SMG1: variants seen among roughly 807,000 people sequenced by gnomAD.
The protein encoded by SMG1 is SMG1 nonsense mediated mRNA decay associated PI3K related kinase, also known as serine/threonine-protein kinase SMG1.
SMG1 carries 22 observed loss-of-function variants against 419.9 expected under a neutral mutation model. That is an observed-to-expected ratio of 0.05 (90% CI 0.04 to 0.07). The LOEUF is 0.07. SMG1 is among the 10% of genes least tolerant of loss of function. SMG1 has a pLI of 1.00. For synonymous variants in SMG1, 1,538 were observed against 1,553.5 expected (o/e 0.99, Z 0.23); for missense variants, 3,185 against 4,342.0 (o/e 0.73, Z 7.49).
At chr16:18,883,112 G>A (rs2036471091) in intron 9 of SMG1, among the ~76,000 whole-genome samples, 1 of 152,128 alleles carries the variant, frequency 6.6e-6, no homozygotes, top group East Asian at 1.9e-4. Flanking sequence ...CTGAATTCCT[G>A]TCGACTACAA....
At chr16:18,921,158 G>A (rs62047591) in intron 1 of SMG1, among the ~76,000 whole-genome samples, 4 of 146,764 alleles carry the variant, frequency 2.7e-5, no homozygotes, top group African/African-American at 5.0e-5. Flanking sequence ...AAAAAAAAGA[G>A]AGAGAGAGAG....
chr16:18,860,705 T>C lies in SMG1; in HGVS notation c.3767A>G (p.Asn1256Ser), dbSNP rs780970154. Residue 1256 changes from asparagine to serine, a missense_variant, in exon 26 of 63, where the codon AAT becomes AGT. Asn to Ser is a conservative substitution (Grantham distance 46). Around this residue, in one of 27 missense-constraint regions of SMG1, gnomAD observed 120 missense variants for 193.3 expected, o/e 0.62. Coordinates refer to ENST00000446231, the MANE Select transcript of SMG1 (RefSeq NM_015092.5). The part of the protein sequence containing the change: ...TEQLELLPGE[N>S]INLLAGGSKE... ...TGATCCTCCAGCAAGTAGATTGATA[T>C]TTTCTCCTGGTAACAATTCTAACTG... 4 of 1,560,502 alleles carry C rather than the reference T, an allele frequency of 2.6e-6. 1 individual carries two copies. The Admixed American group carries it at 5.1e-5, about 20-fold the overall frequency.
At chr16:18,882,725 A>G (rs1375481992) in intron 9 of SMG1, among the ~76,000 whole-genome samples, 1 of 152,202 alleles carries the variant, frequency 6.6e-6, no homozygotes, top group Non-Finnish European at 1.5e-5. Flanking sequence ...CACTCAGCTC[A>G]ACAGTAAGTC....
chr16:18,849,262 C>G lies in SMG1; in HGVS notation c.5578G>C (p.Ala1860Pro). 6.2e-7 allele frequency: 1 copy of G among 1,613,086 alleles called. No individual in the cohort carries two copies. Among genetic ancestry groups the G allele is most frequent in the Non-Finnish European group, 8.5e-7 (1 of 1,179,310 alleles). The change falls in exon 36 of 63, where the codon GCA (alanine) becomes CCA (proline). Residue 1860 changes from alanine (A) to proline (P), a missense_variant. This residue lies in a region of SMG1 where 130 missense variants were observed against 162.0 expected (regional missense o/e 0.80). Coordinates refer to ENST00000446231, the MANE Select transcript of SMG1 (RefSeq NM_015092.5). ...CTAAGCGATATGGTACCCACTATTG[C>G]AGGATACAATATGAGATGTGGGGAA... The part of the protein sequence containing the change: ...QDSPHLILYP[A>P]IVGTISLSSE...
chr16:18,877,510 T>A (rs2036191857), intron 11 of SMG1: 5 of 289,106 alleles, frequency 1.7e-5, no homozygotes, highest in African/African-American at 1.1e-4. Context: ...AACTATCCTG[T>A]ATGATACTGG....
At chr16:18,887,289 A>G (rs377142234) in intron 6 of SMG1, among the ~76,000 whole-genome samples, 1 of 152,130 alleles carries the variant, frequency 6.6e-6, no homozygotes, top group East Asian at 1.9e-4. Flanking sequence ...GTTTAGTTAC[A>G]GGTAATTTTC....
At chr16:18,874,687 G>T (rs1228136060) in intron 13 of SMG1, among the ~76,000 whole-genome samples, 2 of 148,650 alleles carry the variant, frequency 1.3e-5, no homozygotes, top group African/African-American at 2.5e-5. Flanking sequence ...CCAACATGGT[G>T]AAACCAAGTC....
chr16:18,875,340 C>T (rs1251318692), intron 13 of SMG1: 1 of 152,610 alleles, frequency 6.6e-6, no homozygotes, highest in Admixed American at 6.5e-5. Flanking sequence ...CCTGTAATCC[C>T]AGCATTTTGG....
chr16:18,885,766 T>C, intron 6 of SMG1, 100 bp from the exon 7 acceptor site: 7 of 1,112,286 alleles, frequency 6.3e-6, no homozygotes, highest in Admixed American at 4.2e-5. Context: ...AAACTGAATA[T>C]GAGACCAAGA....
chr16:18,840,404 A>G (rs375872874), intron 41 of SMG1, among the ~76,000 whole-genome samples: 1 of 152,208 alleles, frequency 6.6e-6, no homozygotes, highest in Non-Finnish European at 1.5e-5. Context: ...TTACCCTTCA[A>G]TAACAGTTCT....
At chr16:18,831,856 C>T (rs1238996044) in intron 51 of SMG1, among the ~76,000 whole-genome samples, 2 of 150,222 alleles carry the variant, frequency 1.3e-5, no homozygotes, top group Non-Finnish European at 3.0e-5. Flanking sequence ...TATAACCACT[C>T]CAAAGAAACA....
Position 18,841,629 on chromosome 16 carries a change from G to A in SMG1, c.6632C>T (p.Ala2211Val). ...TTTGTAAAGACCAAATAAGGGTGTG[G>A]CTCCATCTACCCACTGGATTAGTCC... The part of the protein sequence containing the change: ...RSGLIQWVDG[A>V]TPLFGLYKRW... The change falls in exon 41 of 63, where the codon GCC becomes GTC. Residue 2211 changes from alanine to valine, a missense_variant. Physicochemically the swap from Ala to Val is moderately conservative, Grantham distance 64. Coordinates refer to ENST00000446231, the MANE Select transcript of SMG1 (RefSeq NM_015092.5). The A allele has an allele frequency of 6.2e-7, 1 of 1,613,932 alleles. No individual in the cohort carries two copies. The highest frequency in any genetic ancestry group is 8.5e-7 in the Non-Finnish European group (1 of 1,179,886).
Position 18,861,780 on chromosome 16 carries a change from C to A in SMG1, c.3696-1004G>T, listed in dbSNP as rs201547489. Among the ~76,000 whole-genome samples, 17 of 152,094 alleles carry A rather than the reference C, an allele frequency of 1.1e-4. No individual in the cohort carries two copies. The East Asian group carries it at 2.1e-3, about 19-fold the overall frequency. On this transcript the variant is annotated intron_variant, in intron 25 of 62. Transcript: ENST00000446231. ...TATGCTTTCAGCTAATGACTCAGTCCTCAGAAAAACAAACAAATAAACAAA... is the reference window on the plus strand; with the variant it reads ...TATGCTTTCAGCTAATGACTCAGTCATCAGAAAAACAAACAAATAAACAAA...
chr16:18,809,468 G>T lies in SMG1; in HGVS notation c.*101C>A. 1 of 842,952 alleles carries T rather than the reference G, an allele frequency of 1.2e-6. No homozygotes were observed. The highest frequency in any genetic ancestry group is 2.0e-6 in the Non-Finnish European group (1 of 503,918). 52.2% of individuals were successfully genotyped at this position (842,952 alleles called of 1,614,324 possible). A position where few individuals can be genotyped will look rare whatever the true frequency, so the allele number is the denominator to read the frequency against. ...GTTTCCTCAGAGTAAGCCCCCAGTT[G>T]CATCACCACCGACTGTGGTGTGGCT... On this transcript the variant is annotated 3_prime_UTR_variant, in exon 63 of 63. Coordinates refer to ENST00000446231, the MANE Select transcript of SMG1 (RefSeq NM_015092.5).
In SMG1 at chr16:18,859,003, C is replaced by A; in HGVS notation, c.4113+19G>T. 6.9e-7 allele frequency: 1 copy of A among 1,451,932 alleles called. No individual in the cohort carries two copies. Among genetic ancestry groups the A allele is most frequent in the Non-Finnish European group, 9.2e-7 (1 of 1,089,172 alleles). The allele number at this position is 1,451,932 out of a possible 1,614,324, so 89.9% of individuals were successfully genotyped here. ...GACCATTAATAGTCATAAGAGTGTG[C>A]TTGTAAAAATATACAGACCTCTGTT... On this transcript the variant is annotated intron_variant, in intron 28 of 62. Transcript: ENST00000446231.
At position 18,836,040 on chromosome 16, in the gene SMG1, C is replaced by T; in HGVS notation, c.7950G>A (p.Gln2650=). ...QLHHYATVAL[Q]YPKAIFQKHR... is the part of the protein sequence containing the mutation. Reference sequence around the variant, plus strand: ...GTTTCTGAAATATGGCCTTCGGATACTGCAGGGCCACGGTTGCATAGTGAT... The same window carrying T: ...GTTTCTGAAATATGGCCTTCGGATATTGCAGGGCCACGGTTGCATAGTGAT... Residue 2650 remains glutamine, a synonymous_variant, in exon 48 of 63, where the codon CAG becomes CAA. Transcript: ENST00000446231. 6.3e-7 allele frequency: 1 copy of T among 1,592,474 alleles called. No homozygotes were observed. The highest frequency in any genetic ancestry group is 8.6e-7 in the Non-Finnish European group (1 of 1,169,246).
At chr16:18,888,676 C>T (rs1296568625) in intron 6 of SMG1, among the ~76,000 whole-genome samples, 1 of 151,682 alleles carries the variant, frequency 6.6e-6, no homozygotes, top group Non-Finnish European at 1.5e-5. Flanking sequence ...CCATGTTGGC[C>T]TGGATGGTTT....
chr16:18,907,868 A>AAG (rs1555505976), intron 1 of SMG1, among the ~76,000 whole-genome samples: 2,872 of 141,814 alleles, frequency 0.02, 110 homozygotes, highest in African/African-American at 0.059. Context: ...AAAAAAAAAA[A>AAG]AGAGACCCTA....
At chr16:18,919,668 ACACACACACACAC>A in intron 1 of SMG1, among the ~76,000 whole-genome samples, 1 of 94,566 alleles carries the variant, frequency 1.1e-5, no homozygotes, top group African/African-American at 4.8e-5. Context: ...ACACACACAC[ACACACACACACAC>A]ACACACACAC....
Sources: gnomAD v4.1 joint callset for allele counts (sites outside exome capture counted in the v4.1 genomes callset) on GRCh38, gnomAD v4.1.1 for gene constraint, gnomAD v4.1.1 regional missense constraint, MANE v1.5 for transcripts, NCBI Gene and HGNC (gene_info 2026-07-23, HGNC 2026-07-21) for gene names.